Variants in CES5A observed in about 807,000 individuals in gnomAD.
CES5A encodes the protein carboxylesterase 5A.
In CES5A, 67 loss-of-function variants were observed where a neutral mutation model predicts 62.9. That is an observed-to-expected ratio of 1.07 (90% CI 0.88 to 1.31). The LOEUF (loss-of-function observed/expected upper bound fraction) is 1.31, where lower values mean the gene tolerates loss of function less well. Among genes scored for constraint, CES5A ranks in the 50% most tolerant of loss-of-function variants. CES5A has a pLI of 0.00. For synonymous variants in CES5A, 296 were observed against 280.8 expected, an observed-to-expected ratio of 1.05 and a Z score of -0.54; for missense variants, 748 against 708.5, an observed-to-expected ratio of 1.06 and a Z score of -0.63.
intron 5 of CES5A, among the ~76,000 whole-genome samples, chr16:55,864,157 C>T (rs1318908893): frequency 3.9e-5 from 6 of 152,302 alleles, no homozygotes; most frequent in Admixed American, 3.3e-4. Flanking sequence ...AAACATAGAA[C>T]TCTTCACAGA....
At chr16:55,924,504 A>G (rs1444567752) in intron 1 of CES5A, among the ~76,000 whole-genome samples, 2 of 152,064 alleles carry the variant, frequency 1.3e-5, no homozygotes, top group Non-Finnish European at 2.9e-5. Flanking sequence ...ACCCAAAGCA[A>G]TTTATAGATT....
chr16:55,873,958 A>G lies in CES5A; in HGVS notation c.153T>C (p.Pro51=). 2 of 1,613,332 alleles carry G rather than the reference A, an allele frequency of 1.2e-6. No individual in the cohort carries two copies. The highest frequency in any genetic ancestry group is 1.7e-6 in the Non-Finnish European group (2 of 1,179,820). The change falls in exon 2 of 13, where the codon CCT becomes CCC. Residue 51 remains proline (P), a synonymous_variant. Coordinates refer to ENST00000290567, the MANE Select transcript of CES5A (RefSeq NM_001143685.2). ...QGKQVTVLGS[P]VPVNVFLGVP... is the part of the protein sequence containing the mutation. ...CTCCGAGGAACACGTTCACAGGCAC[A>G]GGGCTTCCCAGCACAGTGACTTGCT...
intron 1 of CES5A, among the ~76,000 whole-genome samples, chr16:55,874,251 C>T (rs912014715): frequency 6.6e-6 from 1 of 152,166 alleles, no homozygotes; most frequent in African/African-American, 2.4e-5. Context: ...TTAGTTTCTC[C>T]TAGGAGCCCA....
chr16:55,863,272 A>G, intron 6 of CES5A, 76 bp downstream of exon 6: 1 of 838,478 alleles, frequency 1.2e-6, no homozygotes, highest in Non-Finnish European at 2.1e-6. Context: ...AGCCAAACAC[A>G]TGGTGAGAAG....
At chr16:55,876,287 A>T (rs1313735085), upstream of CES5A, among the ~76,000 whole-genome samples, 2 of 152,212 alleles carry the variant, frequency 1.3e-5, no homozygotes, top group Non-Finnish European at 2.9e-5. Context: ...ATTTTTTAAA[A>T]GCTGTTATTA....
At position 55,869,513 on chromosome 16, in the gene CES5A, G is replaced by A. The variant is rs568768783; in HGVS notation, c.551+98C>T. ...TAGGGCCAGTTTTGTTCATTGTCCCGGAAGGCTCGCTCCTTCTTAGGTTGC... is the reference window on the plus strand; with the variant it reads ...TAGGGCCAGTTTTGTTCATTGTCCCAGAAGGCTCGCTCCTTCTTAGGTTGC... On this transcript the variant is annotated intron_variant, in intron 4 of 12. Coordinates refer to ENST00000290567, the MANE Select transcript of CES5A (RefSeq NM_001143685.2). 88 of 1,449,274 alleles carry A rather than the reference G, an allele frequency of 6.1e-5. No individual in the cohort carries two copies. In the East Asian group the frequency reaches 1.6e-3, roughly 26 times the overall value. 89.8% of individuals were successfully genotyped at this position (1,449,274 alleles called of 1,614,324 possible).
At chr16:55,851,918 C>T (rs1401538657) in intron 10 of CES5A, among the ~76,000 whole-genome samples, 1 of 152,114 alleles carries the variant, frequency 6.6e-6, no homozygotes. Context: ...CCTTATGCTA[C>T]GTGAAATAAG....
chr16:55,849,872 G>T, intron 10 of CES5A, 99 bp from the exon 11 acceptor site: 1 of 1,329,486 alleles, frequency 7.5e-7, no homozygotes. Context: ...TAGACCCAGG[G>T]GTGGGACAGC....
chr16:55,870,441 T>C (rs1434061348), intron 3 of CES5A, among the ~76,000 whole-genome samples: 1 of 152,172 alleles, frequency 6.6e-6, no homozygotes, highest in Non-Finnish European at 1.5e-5. Flanking sequence ...GGCTCACGCC[T>C]GTAATCCCAA....
chr16:55,942,213 A>T (rs2034452804), intron 2 of CES5A, among the ~76,000 whole-genome samples: 1 of 152,230 alleles, frequency 6.6e-6, no homozygotes, highest in Admixed American at 6.5e-5. Context: ...TAATGAAAAC[A>T]ATAGGTAACT....
At chr16:55,920,938 A>C (rs1051216693) in intron 1 of CES5A, among the ~76,000 whole-genome samples, 1 of 152,222 alleles carries the variant, frequency 6.6e-6, no homozygotes, top group East Asian at 1.9e-4. Flanking sequence ...TTAAAAATCA[A>C]ACCAAAATCT....
intron 2 of CES5A, 95 bp downstream of exon 2, chr16:55,873,738 A>C: frequency 1.7e-6 from 2 of 1,156,730 alleles, no homozygotes; most frequent in South Asian, 2.9e-5. Context: ...TCCCCCATCC[A>C]TGCCAATCCC....
chr16:55,907,823 C>T (rs1358999115), intron 1 of CES5A, among the ~76,000 whole-genome samples: 1 of 152,160 alleles, frequency 6.6e-6, no homozygotes, highest in Non-Finnish European at 1.5e-5. Context: ...GTCACTGTCC[C>T]TTCTTGTGAC....
chr16:55,906,981 C>T (rs1426549051), intron 1 of CES5A, among the ~76,000 whole-genome samples: 2 of 152,300 alleles, frequency 1.3e-5, no homozygotes, highest in Non-Finnish European at 2.9e-5. Flanking sequence ...ATAGTCTCTG[C>T]CCATAGGGTT....
chr16:55,864,134 C>G (rs1281991093), intron 5 of CES5A, among the ~76,000 whole-genome samples: 3 of 152,114 alleles, frequency 2.0e-5, no homozygotes, highest in African/African-American at 7.2e-5. Context: ...TTGTGAGGAG[C>G]AGGGGAGGTA....
chr16:55,905,099 T>C lies in CES5A; in HGVS notation c.-256+20224A>G, dbSNP rs140486216. Among the ~76,000 whole-genome samples the C allele has an allele frequency of 3.1e-3, 475 of 152,328 alleles. 2 individuals carry two copies. Among genetic ancestry groups the C allele is most frequent in the Non-Finnish European group, 4.5e-3 (309 of 68,032 alleles). ...GAGTCTCAAGTTTTATAAATTTTCT[T>C]TCCAAACAGGTTGCTAAATGTGCCA... On this transcript the variant is annotated intron_variant, in intron 1 of 12. Coordinates refer to the CES5A transcript ENST00000518005.
chr16:55,854,176 G>A (rs2033186394), intron 9 of CES5A, among the ~76,000 whole-genome samples: 2 of 152,134 alleles, frequency 1.3e-5, no homozygotes, highest in Non-Finnish European at 2.9e-5. Context: ...CTAGGGTTCT[G>A]GGGTAAGACT....
intron 1 of CES5A, among the ~76,000 whole-genome samples, chr16:55,905,039 G>A (rs138909948): frequency 6.6e-6 from 1 of 152,148 alleles, no homozygotes; most frequent in African/African-American, 2.4e-5. Flanking sequence ...CCACACCCAA[G>A]CTCTATCCAT....
At chr16:55,949,776 A>T in intron 2 of CES5A, 1 of 1,397,594 alleles carries the variant, frequency 7.2e-7, no homozygotes, top group Non-Finnish European at 9.6e-7. Context: ...TTCTTGTCAA[A>T]CAACTCACCC....
Sources: gnomAD v4.1 joint callset for allele counts (sites outside exome capture counted in the v4.1 genomes callset) on GRCh38, gnomAD v4.1.1 for gene constraint, MANE v1.5 for transcripts, NCBI Gene and HGNC (gene_info 2026-07-23, HGNC 2026-07-21) for gene names.